The following MPDZ variants were observed in gnomAD, a reference collection of about 807,000 sequenced individuals.
MPDZ encodes multiple PDZ domain crumbs cell polarity complex component.
Under a neutral mutation model 239.1 loss-of-function variants are expected in MPDZ, and 234 were observed. That is an observed-to-expected ratio of 0.98 (90% CI 0.88 to 1.09). The LOEUF (loss-of-function observed/expected upper bound fraction) is 1.09, where lower values mean the gene tolerates loss of function less well. Ranked by LOEUF, MPDZ falls within the 50% of genes least tolerant of loss-of-function variation. The pLI is 0.00. For missense variants in MPDZ, 3,175 were observed against 2,510.0 expected, an observed-to-expected ratio of 1.26 and a Z score of -5.66; for synonymous variants, 1,048 against 881.3, an observed-to-expected ratio of 1.19 and a Z score of -3.35.
chr9:13,260,796 T>C (rs143755726), intron 1 of MPDZ, among the ~76,000 whole-genome samples: 213 of 152,284 alleles, frequency 1.4e-3, no homozygotes, highest in African/African-American at 4.8e-3. Context: ...AGCAGAACCC[T>C]ACCAGACCTT....
chr9:13,225,773 A>G (rs996679249), intron 3 of MPDZ, among the ~76,000 whole-genome samples: 5 of 152,042 alleles, frequency 3.3e-5, no homozygotes, highest in Admixed American at 2.6e-4. Context: ...ATGTTTGCAC[A>G]AGGATGAAAT....
At chr9:13,114,205 G>T (rs1231923269) in intron 40 of MPDZ, among the ~76,000 whole-genome samples, 184 bp from the exon 41 acceptor site, 2 of 152,146 alleles carry the variant, frequency 1.3e-5, no homozygotes, top group Non-Finnish European at 1.5e-5. Flanking sequence ...AATGTGTCTA[G>T]TGACATAAAT....
intron 3 of MPDZ, among the ~76,000 whole-genome samples, chr9:13,232,165 T>A (rs915612536): frequency 1.3e-5 from 2 of 152,162 alleles, no homozygotes; most frequent in African/African-American, 2.4e-5. Context: ...ACCACATAAT[T>A]GTGTGTACTG....
chr9:13,279,458 G>T lies in MPDZ; in HGVS notation c.-116C>A, dbSNP rs1450484946. ...GAGGGGGCGGAGGACTGGGGAGCAG[G>T]GGTCGCCGGGGCCTCTGGATGCCTC... On this transcript the variant is annotated 5_prime_UTR_variant, in exon 1 of 47. Transcript: ENST00000319217. 1 of 148,402 alleles carries T rather than the reference G, an allele frequency of 6.7e-6. No individual in the cohort carries two copies. Among genetic ancestry groups the T allele is most frequent in the Admixed American group, 6.7e-5 (1 of 14,926 alleles). The allele number at this position is 148,402 out of a possible 1,614,324, so 9.2% of individuals were successfully genotyped here.
intron 12 of MPDZ, among the ~76,000 whole-genome samples, chr9:13,197,578 C>A (rs1955809697): frequency 6.6e-6 from 1 of 151,936 alleles, no homozygotes; most frequent in Admixed American, 6.6e-5. Context: ...GATATCCATT[C>A]CCTTAAACAT....
At chr9:13,136,207 A>G in intron 30 of MPDZ, 25 bp from the exon 31 acceptor site, 1 of 1,464,628 alleles carries the variant, frequency 6.8e-7, no homozygotes, top group East Asian at 2.3e-5. Context: ...ACAACAACCT[A>G]TTATAACATC....
chr9:13,193,187 T>A lies in MPDZ; in HGVS notation c.1783A>T (p.Ser595Cys), dbSNP rs549302107. The change falls in exon 14 of 47, where the codon AGT becomes TGT. Residue 595 changes from serine (S) to cysteine (C), a missense_variant. Physicochemically the swap from Ser to Cys is moderately radical, Grantham distance 112 (BLOSUM62 -1). Transcript: ENST00000319217. Reference sequence around the variant, plus strand: ...CTTACTTCCAATAGCTCGTCTCCACTGAAGAGCTTCCCGCTGTGTCCAACA... The same window carrying A: ...CTTACTTCCAATAGCTCGTCTCCACAGAAGAGCTTCCCGCTGTGTCCAACA... ...GPVGHSGKLF[S>C]GDELLEVNGI... 1 of 1,593,750 alleles carries A rather than the reference T, an allele frequency of 6.3e-7. No homozygotes were observed. Among genetic ancestry groups the A allele is most frequent in the South Asian group, 1.2e-5 (1 of 86,800 alleles).
At chr9:13,107,370 GTTCA>G (rs1941642836) in intron 46 of MPDZ, among the ~76,000 whole-genome samples, 5 of 152,184 alleles carry the variant, frequency 3.3e-5, no homozygotes, top group African/African-American at 1.2e-4. Flanking sequence ...GTTTTTGGCT[GTTCA>G]GCACAGCAGT....
intron 5 of MPDZ, among the ~76,000 whole-genome samples, chr9:13,222,942 G>A (rs553950369): frequency 4.0e-5 from 6 of 151,288 alleles, no homozygotes; most frequent in African/African-American, 1.5e-4. Context: ...CCCAACTGGG[G>A]ATCAAATATA....
chr9:13,229,423 A>G (rs1239823747), intron 3 of MPDZ, among the ~76,000 whole-genome samples: 1 of 152,062 alleles, frequency 6.6e-6, no homozygotes, highest in African/African-American at 2.4e-5. Flanking sequence ...AAAAACCACT[A>G]GAGCAAAAAG....
chr9:13,151,113 T>C (rs1949112233), intron 24 of MPDZ, among the ~76,000 whole-genome samples: 1 of 151,826 alleles, frequency 6.6e-6, no homozygotes, highest in African/African-American at 2.4e-5. Context: ...CCATCTCACA[T>C]CCAACAGGAT....
At chr9:13,224,677 T>A in intron 3 of MPDZ, 94 bp from the exon 4 acceptor site, 1 of 843,432 alleles carries the variant, frequency 1.2e-6, no homozygotes, top group African/African-American at 1.7e-5. Flanking sequence ...CAAATGAAAT[T>A]TCAAAATGTC....
chr9:13,123,055 C>G, intron 36 of MPDZ, 98 bp downstream of exon 36: 6 of 1,277,242 alleles, frequency 4.7e-6, no homozygotes, highest in Non-Finnish European at 6.2e-6. Context: ...TCGGCCTTCA[C>G]ATTTCCTTTA....
At chr9:13,186,055 A>T (rs1406521659) in intron 18 of MPDZ, among the ~76,000 whole-genome samples, 1 of 152,178 alleles carries the variant, frequency 6.6e-6, no homozygotes, top group Admixed American at 6.6e-5. Flanking sequence ...GCTACAATGC[A>T]ACGTTAATTA....
At chr9:13,177,320 G>C (rs1952624751) in intron 19 of MPDZ, among the ~76,000 whole-genome samples, 1 of 152,082 alleles carries the variant, frequency 6.6e-6, no homozygotes, top group Non-Finnish European at 1.5e-5. Flanking sequence ...GACATATACT[G>C]TGTATGCATA....
chr9:13,274,917 T>C (rs1233166325), intron 1 of MPDZ, among the ~76,000 whole-genome samples: 1 of 152,122 alleles, frequency 6.6e-6, no homozygotes, highest in African/African-American at 2.4e-5. Context: ...CGAATGCTTT[T>C]ATAAAACACT....
At chr9:13,235,381 T>C (rs1235673908) in intron 3 of MPDZ, among the ~76,000 whole-genome samples, 3 of 152,168 alleles carry the variant, frequency 2.0e-5, no homozygotes, top group Non-Finnish European at 4.4e-5. Flanking sequence ...TTTCATTCAT[T>C]CAAGTATTTA....
At chr9:13,115,122 G>A in intron 40 of MPDZ, 126 bp downstream of exon 40, 1 of 706,100 alleles carries the variant, frequency 1.4e-6, no homozygotes, top group Non-Finnish European at 2.4e-6. Flanking sequence ...CTCAAACTCT[G>A]CACCTCAGTC....
Position 13,250,255 on chromosome 9 carries a change from G to A in MPDZ, c.16+45C>T, listed in dbSNP as rs756734969. 7 of 1,558,752 alleles carry A rather than the reference G, an allele frequency of 4.5e-6. No individual in the cohort carries two copies. In the South Asian group the frequency reaches 4.7e-5, roughly 10 times the overall value. ...CATATGTCAAAAATCCCAATGGGAG[G>A]AGTTACAATTCTTATAAAAGTAGGC... On this transcript the variant is annotated intron_variant, in intron 2 of 46. Coordinates refer to ENST00000319217, the MANE Select transcript of MPDZ (RefSeq NM_001378778.1).
Sources: gnomAD v4.1 joint callset for allele counts (sites outside exome capture counted in the v4.1 genomes callset) on GRCh38, gnomAD v4.1.1 for gene constraint, MANE v1.5 for transcripts, NCBI Gene and HGNC (gene_info 2026-07-23, HGNC 2026-07-21) for gene names.